MYO1D: variants seen among roughly 807,000 people sequenced by gnomAD.
The protein encoded by MYO1D is myosin ID.
In MYO1D, 83 loss-of-function variants were observed where a neutral mutation model predicts 122.0. That is an observed-to-expected ratio of 0.68 (90% CI 0.57 to 0.82). The LOEUF (loss-of-function observed/expected upper bound fraction) is 0.82, where lower values mean the gene tolerates loss of function less well. Ranked by LOEUF, MYO1D falls within the 40% of genes least tolerant of loss-of-function variation. The pLI is 0.00. For missense variants in MYO1D, 1,157 were observed against 1,269.5 expected (o/e 0.91, Z 1.35); for synonymous variants, 464 against 446.9 (o/e 1.04, Z -0.48).
intron 14 of MYO1D, among the ~76,000 whole-genome samples, chr17:32,731,659 T>C (rs2089640587): frequency 6.6e-6 from 1 of 152,228 alleles, no homozygotes; most frequent in African/African-American, 2.4e-5. Flanking sequence ...GAGGTGCATC[T>C]GGGGTTGTGT....
chr17:32,641,137 C>G (rs187413109), intron 19 of MYO1D, among the ~76,000 whole-genome samples: 2,748 of 142,354 alleles, frequency 0.019, 82 homozygotes, highest in African/African-American at 0.065. Flanking sequence ...TTCCTGTGTC[C>G]AAGTGTTCTC....
chr17:32,832,995 C>G (rs1039255592), intron 1 of MYO1D, among the ~76,000 whole-genome samples: 2 of 152,186 alleles, frequency 1.3e-5, no homozygotes, highest in Non-Finnish European at 2.9e-5. Context: ...CTCGGGTGCT[C>G]AAATCATAAA....
intron 16 of MYO1D, among the ~76,000 whole-genome samples, chr17:32,672,793 T>C (rs907632139): frequency 6.6e-6 from 1 of 152,236 alleles, no homozygotes; most frequent in East Asian, 1.9e-4. Flanking sequence ...TTGAGTGTGA[T>C]CTCTAATGGC....
intron 7 of MYO1D, among the ~76,000 whole-genome samples, chr17:32,765,562 CAT>C (rs1313182136): frequency 6.6e-6 from 1 of 151,930 alleles, no homozygotes; most frequent in East Asian, 1.9e-4. Context: ...GGGTTCACGC[CAT>C]TCTCCTGCCT....
At chr17:32,598,284 G>T (rs2087521529) in intron 21 of MYO1D, among the ~76,000 whole-genome samples, 1 of 151,990 alleles carries the variant, frequency 6.6e-6, no homozygotes, top group African/African-American at 2.4e-5. Context: ...TGAGGCACGA[G>T]AATTGCTTGA....
In MYO1D at chr17:32,553,103, C is replaced by CAA. The variant is rs66479224; in HGVS notation, c.2864+51982_2864+51983dup. Reference sequence around the variant, plus strand: ...AAAAAAAAAAAAACAAAAAACAAAACAAAAAAAAAAACAAAAAAACCAGCA... The same window carrying CAA: ...AAAAAAAAAAAAACAAAAAACAAAACAAAAAAAAAAAAACAAAAAAACCAGCA... On this transcript the variant is annotated intron_variant, in intron 21 of 21. Transcript: ENST00000318217. Among the ~76,000 whole-genome samples, 407 of 133,274 alleles carry CAA rather than the reference C, an allele frequency of 3.1e-3. 6 individuals are homozygous for CAA. The East Asian group carries it at 0.046, about 15-fold the overall frequency. 87.4% of individuals were successfully genotyped at this position (133,274 alleles called of 152,430 possible).
At chr17:32,578,392 C>T (rs7209983) in intron 21 of MYO1D, among the ~76,000 whole-genome samples, 77,731 of 152,058 alleles carry the variant, frequency 0.51, 20,678 homozygotes, top group Middle Eastern at 0.63. Flanking sequence ...ACTACTTTCA[C>T]CTGATAGAAT....
intron 2 of MYO1D, among the ~76,000 whole-genome samples, chr17:32,780,153 C>T (rs993011804): frequency 1.3e-5 from 2 of 152,130 alleles, no homozygotes; most frequent in Non-Finnish European, 1.5e-5. Flanking sequence ...TTGGCCCCCA[C>T]GCCTCAGTAG....
chr17:32,767,587 T>C (rs918152902), intron 7 of MYO1D, 49 bp downstream of exon 7: 3 of 1,229,484 alleles, frequency 2.4e-6, no homozygotes, highest in African/African-American at 3.0e-5. Context: ...TGAGAAAGCA[T>C]CCTGTTCTCA....
rs192691748 is a variant in MYO1D at position 32,735,153 on chromosome 17, T to C, written c.1746+3100A>G. The stretch of plus-strand genomic sequence containing the variant: ...CCAAAATGGTTTCCTTTGTCATCTA[T>C]TATGTGGTCAATTCTTGTAAATGTT... On this transcript the variant is annotated intron_variant, in intron 14 of 21. Transcript: ENST00000318217. 6.2e-4 allele frequency among the ~76,000 whole-genome samples: 94 copies of C among 151,802 alleles called. 1 individual carries two copies. The highest frequency in any genetic ancestry group is 1.7e-4 in the African/African-American group (7 of 41,360).
chr17:32,828,291 C>T (rs1208498150), intron 1 of MYO1D, among the ~76,000 whole-genome samples: 1 of 151,914 alleles, frequency 6.6e-6, no homozygotes, highest in African/African-American at 2.4e-5. Context: ...CCGAGTCGGG[C>T]GGATCACCAG....
intron 21 of MYO1D, among the ~76,000 whole-genome samples, chr17:32,566,347 C>T (rs1033531258): frequency 2.6e-5 from 4 of 152,074 alleles, no homozygotes; most frequent in African/African-American, 9.7e-5. Context: ...AAGCTGAAAC[C>T]TGGAAGATGC....
intron 7 of MYO1D, among the ~76,000 whole-genome samples, chr17:32,765,575 C>A (rs2090047425): frequency 6.6e-6 from 1 of 152,084 alleles, no homozygotes; most frequent in African/African-American, 2.4e-5. Flanking sequence ...TCTCCTGCCT[C>A]AGCCTCCTGA....
At chr17:32,761,029 C>T (rs1055174502) in intron 8 of MYO1D, among the ~76,000 whole-genome samples, 2 of 151,030 alleles carry the variant, frequency 1.3e-5, no homozygotes, top group Non-Finnish European at 2.9e-5. Flanking sequence ...TATATGAATT[C>T]TAAAAAATAT....
At chr17:32,712,813 C>A (rs893000383) in intron 15 of MYO1D, among the ~76,000 whole-genome samples, 1 of 152,164 alleles carries the variant, frequency 6.6e-6, no homozygotes, top group African/African-American at 2.4e-5. Flanking sequence ...CACCACACAG[C>A]GGCTTGCTTC....
At chr17:32,522,898 G>C (rs1201743289) in intron 21 of MYO1D, among the ~76,000 whole-genome samples, 1 of 150,578 alleles carries the variant, frequency 6.6e-6, no homozygotes, top group Non-Finnish European at 1.5e-5. Context: ...CTCACTGCAA[G>C]CTCCGCCTCC....
chr17:32,554,756 T>C (rs1297921083), intron 21 of MYO1D, among the ~76,000 whole-genome samples: 1 of 152,136 alleles, frequency 6.6e-6, no homozygotes, highest in Non-Finnish European at 1.5e-5. Flanking sequence ...GCAAAGGATA[T>C]GAATAATCCA....
At chr17:32,592,851 T>C (rs1186841684) in intron 21 of MYO1D, among the ~76,000 whole-genome samples, 1 of 152,198 alleles carries the variant, frequency 6.6e-6, no homozygotes, top group Non-Finnish European at 1.5e-5. Flanking sequence ...TATATAGCAC[T>C]GAAAAAAACC....
intron 1 of MYO1D, among the ~76,000 whole-genome samples, chr17:32,842,053 G>A (rs1200690509): frequency 6.6e-6 from 1 of 152,206 alleles, no homozygotes. Flanking sequence ...ACCCATCTGT[G>A]CAGTAGTAGT....
Sources: gnomAD v4.1 joint callset for allele counts (sites outside exome capture counted in the v4.1 genomes callset) on GRCh38, gnomAD v4.1.1 for gene constraint, MANE v1.5 for transcripts, NCBI Gene and HGNC (gene_info 2026-07-23, HGNC 2026-07-21) for gene names.